Variants in SLC35F2 observed in about 807,000 individuals in gnomAD.
SLC35F2 encodes solute carrier family 35 member F2.
In SLC35F2, 25 loss-of-function variants were observed where a neutral mutation model predicts 38.1. The ratio of observed to expected loss-of-function variants is 0.66; its 90% CI spans 0.48 to 0.92. The LOEUF (loss-of-function observed/expected upper bound fraction) is 0.92, where lower values mean the gene tolerates loss of function less well. SLC35F2 is among the 40% of genes least tolerant of loss of function. The pLI, the probability that SLC35F2 is intolerant of heterozygous loss-of-function variation, is 0.00. For synonymous variants in SLC35F2, 173 were observed against 181.7 expected (o/e 0.95, Z 0.38); for missense variants, 409 against 452.9 (o/e 0.90, Z 0.88).
chr11:107,848,863 C>G (rs752485376), intron 1 of SLC35F2, among the ~76,000 whole-genome samples: 1 of 152,172 alleles, frequency 6.6e-6, no homozygotes, highest in Admixed American at 6.5e-5. Context: ...AGAGCTCCTC[C>G]GGTTTGCAAA....
chr11:107,810,255 T>C, intron 3 of SLC35F2: 2 of 985,434 alleles, frequency 2.0e-6, no homozygotes, highest in Non-Finnish European at 2.4e-6. Flanking sequence ...GCTTAGGTTT[T>C]TCTAAGAGGC....
At chr11:107,827,133 A>T (rs1422313336) in intron 1 of SLC35F2, among the ~76,000 whole-genome samples, 4 of 152,188 alleles carry the variant, frequency 2.6e-5, no homozygotes. Flanking sequence ...AAAACCTTAT[A>T]GTTTTGAACT....
chr11:107,791,106 GTTA>G lies in SLC35F2; in HGVS notation c.*1506_*1508del, dbSNP rs1417512444. The G allele has an allele frequency of 2.6e-5, 4 of 152,516 alleles. No individual in the cohort carries two copies. The highest frequency in any genetic ancestry group is 7.2e-5 in the African/African-American group (3 of 41,422). 9.4% of individuals were successfully genotyped at this position (152,516 alleles called of 1,614,324 possible). A position where few individuals can be genotyped will look rare whatever the true frequency, so the allele number is the denominator to read the frequency against. ...TTCTGAAAGTGGCATTTTGTTGGTT[GTTA>G]TTATACTGATGACACATATTAACAC... is the stretch of plus-strand genomic sequence containing the variant. On this transcript the variant is annotated 3_prime_UTR_variant, in exon 8 of 8. Transcript: ENST00000525815.
intron 1 of SLC35F2, among the ~76,000 whole-genome samples, chr11:107,835,320 G>A (rs1859913314): frequency 6.6e-6 from 1 of 152,130 alleles, no homozygotes; most frequent in Non-Finnish European, 1.5e-5. Context: ...GGACTTTGCA[G>A]TAGCACACCA....
chr11:107,858,621 C>T, intron 1 of SLC35F2, 37 bp downstream of exon 1: 1 of 1,258,894 alleles, frequency 7.9e-7, no homozygotes, highest in East Asian at 3.0e-5. Flanking sequence ...GCCGCCCCCA[C>T]GCCCCAGCGG....
chr11:107,809,832 T>G, intron 3 of SLC35F2: 1 of 985,202 alleles, frequency 1.0e-6, no homozygotes, highest in African/African-American at 1.7e-5. Flanking sequence ...GAATTAACCT[T>G]TGACAATGAG....
Position 107,792,002 on chromosome 11 carries a change from AAG to A in SLC35F2, c.*611_*612del, listed in dbSNP as rs1240337853. 6.6e-6 allele frequency: 1 copy of A among 152,036 alleles called. No individual in the cohort carries two copies. The highest frequency in any genetic ancestry group is 1.5e-5 in the Non-Finnish European group (1 of 68,070). The allele number at this position is 152,036 out of a possible 1,614,324, so 9.4% of individuals were successfully genotyped here. A position where few individuals can be genotyped will look rare whatever the true frequency, so the allele number is the denominator to read the frequency against. On this transcript the variant is annotated 3_prime_UTR_variant, in exon 8 of 8. Coordinates refer to ENST00000525815, the MANE Select transcript of SLC35F2 (RefSeq NM_017515.5). ...AAACAAACAAAAAAACAATTGTGGG[AAG>A]GTTCCTAGGTTTACTGCACTCCAGT...
chr11:107,810,725 G>A (rs572600909), intron 3 of SLC35F2: 1 of 981,172 alleles, frequency 1.0e-6, no homozygotes. Flanking sequence ...TTACAGAAAA[G>A]AAAGTAGTTA....
intron 1 of SLC35F2, among the ~76,000 whole-genome samples, chr11:107,827,233 C>T (rs1318726234): frequency 6.6e-6 from 1 of 152,046 alleles, no homozygotes; most frequent in East Asian, 1.9e-4. Context: ...ATCTCTTTCC[C>T]CTAAAAAGCT....
chr11:107,848,021 A>C (rs920892739), intron 1 of SLC35F2, among the ~76,000 whole-genome samples: 2 of 152,212 alleles, frequency 1.3e-5, no homozygotes, highest in African/African-American at 2.4e-5. Flanking sequence ...TAGAGACAGA[A>C]AGTAGAACTG....
intron 1 of SLC35F2, among the ~76,000 whole-genome samples, chr11:107,839,722 C>T (rs773417215): frequency 5.3e-5 from 8 of 152,108 alleles, no homozygotes; most frequent in Non-Finnish European, 1.0e-4. Flanking sequence ...GGTGCGATCT[C>T]GGCTCATCGC....
chr11:107,830,258 A>T (rs1428420826), intron 1 of SLC35F2, among the ~76,000 whole-genome samples: 1 of 152,184 alleles, frequency 6.6e-6, no homozygotes, highest in East Asian at 1.9e-4. Context: ...TATAATTTTT[A>T]ATATTTATGC....
At chr11:107,848,008 T>G (rs1161954572) in intron 1 of SLC35F2, among the ~76,000 whole-genome samples, 1 of 152,122 alleles carries the variant, frequency 6.6e-6, no homozygotes, top group Admixed American at 6.6e-5. Context: ...GAAGTCAAAT[T>G]CATAGAGACA....
chr11:107,833,966 C>A (rs1859890343), intron 1 of SLC35F2, among the ~76,000 whole-genome samples: 1 of 152,186 alleles, frequency 6.6e-6, no homozygotes, highest in Non-Finnish European at 1.5e-5. Flanking sequence ...GGCTCTAAAT[C>A]TTTCATTAGA....
rs534076105 is a variant in SLC35F2 at position 107,818,644 on chromosome 11, G to A, written c.111-2679C>T. Among the ~76,000 whole-genome samples, 3 of 152,266 alleles carry A rather than the reference G, an allele frequency of 2.0e-5. No homozygotes were observed. In the South Asian group the frequency reaches 6.2e-4, roughly 32 times the overall value. On this transcript the variant is annotated intron_variant, in intron 1 of 7. Transcript: ENST00000525815. ...TGGTTTTGATCAACATGGTTTGAGA[G>A]GGCCATCCATATTGATACATGAGTT...
At chr11:107,820,203 C>T (rs950073713) in intron 1 of SLC35F2, among the ~76,000 whole-genome samples, 2 of 149,124 alleles carry the variant, frequency 1.3e-5, no homozygotes, top group Non-Finnish European at 3.0e-5. Flanking sequence ...TCCAGTGAGC[C>T]GAGATCATAC....
intron 3 of SLC35F2, chr11:107,809,771 A>G (rs1859453809): frequency 2.0e-6 from 2 of 984,552 alleles, no homozygotes; most frequent in African/African-American, 3.5e-5. Flanking sequence ...TATAAAAACA[A>G]GTTAGATCAT....
At chr11:107,802,011 G>A (rs1859316765) in intron 7 of SLC35F2, among the ~76,000 whole-genome samples, 1 of 152,114 alleles carries the variant, frequency 6.6e-6, no homozygotes, top group Admixed American at 6.5e-5. Context: ...GGCTGAGGCA[G>A]GCAGATCATC....
intron 7 of SLC35F2, among the ~76,000 whole-genome samples, chr11:107,800,724 G>A (rs1190158331): frequency 6.6e-6 from 1 of 152,010 alleles, no homozygotes; most frequent in African/African-American, 2.4e-5. Context: ...TGGGACTACA[G>A]GTGCACATTA....
Sources: allele counts gnomAD v4.1 joint callset (sites outside exome capture counted in the v4.1 genomes callset), GRCh38; gene constraint gnomAD v4.1.1; transcripts MANE v1.5; gene names NCBI Gene and HGNC (gene_info 2026-07-23, HGNC 2026-07-21).